The following MRTFA variants were observed in gnomAD, a reference collection of about 807,000 sequenced individuals.
MRTFA encodes the protein myocardin related transcription factor A, also known as myocardin-related transcription factor A.
MRTFA carries 20 observed loss-of-function variants against 83.5 expected under a neutral mutation model. That is an observed-to-expected ratio of 0.24 (90% CI 0.17 to 0.35). The LOEUF is 0.35. MRTFA is among the 10% of genes least tolerant of loss of function. The pLI, the probability that MRTFA is intolerant of heterozygous loss-of-function variation, is 1.00. For missense variants in MRTFA, 1,200 were observed against 1,224.7 expected, an observed-to-expected ratio of 0.98 and a Z score of 0.30; for synonymous variants, 659 against 541.2, an observed-to-expected ratio of 1.22 and a Z score of -3.02.
chr22:40,518,466 G>C (rs576418072), intron 3 of MRTFA, among the ~76,000 whole-genome samples: 11 of 151,882 alleles, frequency 7.2e-5, no homozygotes, highest in African/African-American at 2.7e-4. Flanking sequence ...TGTCATCAGA[G>C]GTGGAGTGTT....
At chr22:40,518,092 C>T (rs2054791572) in intron 3 of MRTFA, among the ~76,000 whole-genome samples, 1 of 152,134 alleles carries the variant, frequency 6.6e-6, no homozygotes, top group Non-Finnish European at 1.5e-5. Flanking sequence ...TGCTTCTCTC[C>T]CATTTGGCTG....
chr22:40,520,194 C>A (rs2054840858), intron 3 of MRTFA, among the ~76,000 whole-genome samples: 1 of 152,104 alleles, frequency 6.6e-6, no homozygotes, highest in African/African-American at 2.4e-5. Context: ...AATTGAGATA[C>A]AATTCACATA....
At chr22:40,630,209 G>C (rs987811342) in intron 1 of MRTFA, among the ~76,000 whole-genome samples, 12 of 152,104 alleles carry the variant, frequency 7.9e-5, no homozygotes, top group African/African-American at 2.4e-4. Context: ...CCAGCTACTT[G>C]GGAAGCTGAG....
At chr22:40,567,650 CAAT>C (rs2055725536) in intron 2 of MRTFA, among the ~76,000 whole-genome samples, 1 of 152,008 alleles carries the variant, frequency 6.6e-6, no homozygotes, top group Non-Finnish European at 1.5e-5. Flanking sequence ...AGAAAATCTA[CAAT>C]AATAATTCTG....
At chr22:40,463,697 T>C (rs948959523) in intron 3 of MRTFA, among the ~76,000 whole-genome samples, 5 of 152,222 alleles carry the variant, frequency 3.3e-5, no homozygotes, top group African/African-American at 1.2e-4. Context: ...ACCATAAGTA[T>C]AGTGAATGAA....
At chr22:40,448,086 C>T (rs1236660966) in intron 4 of MRTFA, among the ~76,000 whole-genome samples, 2 of 152,018 alleles carry the variant, frequency 1.3e-5, no homozygotes, top group Non-Finnish European at 2.9e-5. Flanking sequence ...ACGAGGTGGG[C>T]GGATCACGAG....
In MRTFA at chr22:40,557,774, A is replaced by T. The variant is rs916477448; in HGVS notation, c.-21-5407T>A. ...TTTTAGATGTCTTGGCAAAAAAAAA[A>T]TTTCACTAAGTAAACTTATATTACT... On this transcript the variant is annotated intron_variant, in intron 2 of 14. Transcript: ENST00000355630. Among the ~76,000 whole-genome samples, 4 of 152,242 alleles carry T rather than the reference A, an allele frequency of 2.6e-5. No homozygotes were observed. The East Asian group carries it at 7.7e-4, about 29-fold the overall frequency.
intron 1 of MRTFA, among the ~76,000 whole-genome samples, chr22:40,616,916 T>A (rs1476275291): frequency 1.3e-5 from 2 of 151,670 alleles, no homozygotes; most frequent in Non-Finnish European, 2.9e-5. Context: ...CTGGGCAACA[T>A]GGTGAAACAA....
At chr22:40,628,314 A>T (rs1340893442) in intron 1 of MRTFA, among the ~76,000 whole-genome samples, 1 of 152,186 alleles carries the variant, frequency 6.6e-6, no homozygotes, top group African/African-American at 2.4e-5. Context: ...TGACATGGAC[A>T]TGTTACCTCA....
intron 5 of MRTFA, among the ~76,000 whole-genome samples, chr22:40,432,013 A>C (rs2053078075): frequency 6.6e-6 from 1 of 152,180 alleles, no homozygotes; most frequent in African/African-American, 2.4e-5. Flanking sequence ...TGGGAGGCCA[A>C]GGTGGGTGGA....
Position 40,424,620 on chromosome 22 carries a change from T to C in MRTFA, c.602-239A>G, listed in dbSNP as rs557912448. ...CTCCTAGGCTATCAGAGTGACCTCA[T>C]GGGCCGAGCAAACGCCTCCTTTAGC... On this transcript the variant is annotated intron_variant, in intron 7 of 14. Transcript: ENST00000355630. Among the ~76,000 whole-genome samples the C allele has an allele frequency of 4.6e-5, 7 of 152,342 alleles. No individual in the cohort carries two copies. The East Asian group carries it at 1.2e-3, about 25-fold the overall frequency.
rs531303160 is a variant in MRTFA, at chr22:40,535,348, C to CTTTTTTTTT, written c.241+16749_241+16757dup. On this transcript the variant is annotated intron_variant, in intron 3 of 14. Transcript: ENST00000355630. ...TAATTTGCTGTGTGAGAGGTTTTTTCTTTTTTTTTTTTTTTTTCTTTTTGA... is the reference window on the plus strand; with the variant it reads ...TAATTTGCTGTGTGAGAGGTTTTTTCTTTTTTTTTTTTTTTTTTTTTTTTTTCTTTTTGA... Among the ~76,000 whole-genome samples the CTTTTTTTTT allele has an allele frequency of 2.8e-4, 30 of 107,124 alleles. 1 individual carries two copies. Among genetic ancestry groups the CTTTTTTTTT allele is most frequent in the East Asian group, 3.2e-4 (1 of 3,090 alleles). The allele number at this position is 107,124 out of a possible 152,430, so 70.3% of individuals were successfully genotyped here. A position where few individuals can be genotyped will look rare whatever the true frequency, so the allele number is the denominator to read the frequency against.
chr22:40,452,341 G>A (rs991017116), intron 4 of MRTFA, among the ~76,000 whole-genome samples: 3 of 152,144 alleles, frequency 2.0e-5, no homozygotes, highest in African/African-American at 7.2e-5. Flanking sequence ...CCTTGGGCAT[G>A]TGATTAAGAT....
intron 3 of MRTFA, among the ~76,000 whole-genome samples, chr22:40,547,063 G>A (rs1602413581): frequency 6.6e-6 from 1 of 152,090 alleles, no homozygotes; most frequent in Non-Finnish European, 1.5e-5. Flanking sequence ...GCTGAGGCAG[G>A]AGAATGGTGT....
chr22:40,448,751 C>T (rs536554482), intron 4 of MRTFA, among the ~76,000 whole-genome samples: 23 of 152,182 alleles, frequency 1.5e-4, no homozygotes, highest in Admixed American at 4.6e-4. Flanking sequence ...AAACTCCATC[C>T]AAAGTTAACT....
chr22:40,494,838 G>A (rs1389797677), intron 3 of MRTFA, among the ~76,000 whole-genome samples: 1 of 152,116 alleles, frequency 6.6e-6, no homozygotes, highest in African/African-American at 2.4e-5. Flanking sequence ...AAAACAACAG[G>A]CAGAAATCAG....
intron 1 of MRTFA, among the ~76,000 whole-genome samples, chr22:40,607,758 C>T (rs893035034): frequency 6.6e-6 from 1 of 152,200 alleles, no homozygotes; most frequent in African/African-American, 2.4e-5. Context: ...TAGCCTGGCA[C>T]ATTACATCAT....
chr22:40,634,911 G>C (rs1402022589), intron 1 of MRTFA, among the ~76,000 whole-genome samples: 1 of 152,134 alleles, frequency 6.6e-6, no homozygotes, highest in Admixed American at 6.6e-5. Flanking sequence ...CACCTCTCTT[G>C]ATTTGACTCT....
chr22:40,488,512 A>ATC (rs990073460), intron 3 of MRTFA, among the ~76,000 whole-genome samples: 1 of 151,722 alleles, frequency 6.6e-6, no homozygotes, highest in African/African-American at 2.4e-5. Flanking sequence ...GTGAGACTCC[A>ATC]TCTCTCTCTT....
Sources: allele counts gnomAD v4.1 joint callset (sites outside exome capture counted in the v4.1 genomes callset), GRCh38; gene constraint gnomAD v4.1.1; transcripts MANE v1.5; gene names NCBI Gene and HGNC (gene_info 2026-07-23, HGNC 2026-07-21).